The following SEMA3D variants were observed in gnomAD, a reference collection of about 807,000 sequenced individuals.
SEMA3D encodes the protein semaphorin-3D.
In SEMA3D, 84 loss-of-function variants were observed where a neutral mutation model predicts 100.1. The ratio of observed to expected loss-of-function variants is 0.84; its 90% CI spans 0.70 to 1.01. The LOEUF is 1.01. SEMA3D is among the 50% of genes least tolerant of loss of function. The pLI is 0.00. For missense variants in SEMA3D, 875 were observed against 934.1 expected (o/e 0.94, Z 0.82); for synonymous variants, 312 against 320.7 (o/e 0.97, Z 0.29).
Position 85,022,529 on chromosome 7 carries a change from C to G in SEMA3D, c.1276G>C (p.Val426Leu). The G allele has an allele frequency of 6.2e-7, 1 of 1,612,522 alleles. No individual in the cohort carries two copies. Among genetic ancestry groups the G allele is most frequent in the African/African-American group, 1.3e-5 (1 of 74,912 alleles). Residue 426 changes from valine (V) to leucine (L), a missense_variant, in exon 13 of 19, where the codon GTG becomes CTG. Transcript: ENST00000284136. ...ACTGGGTATACGGACTTATACATCACAGAGTGCCGCTTTATGAAACTGATG... is the reference window on the plus strand; with the variant it reads ...ACTGGGTATACGGACTTATACATCAGAGAGTGCCGCTTTATGAAACTGATG... ...DVISFIKRHS[V>L]MYKSVYPVAG... is the part of the protein sequence containing the mutation.
the SEMA3D span, among the ~76,000 whole-genome samples, chr7:85,221,425 C>T: frequency 1.1e-4 from 16 of 151,976 alleles, no homozygotes; most frequent in African/African-American, 3.6e-4. Context: ...CTAAAGTTCA[C>T]ATACTGACCA....
In SEMA3D at chr7:84,997,340, T is replaced by C. The variant is rs948830337; in HGVS notation, c.*2100A>G. 1 of 152,072 alleles carries C rather than the reference T, an allele frequency of 6.6e-6. No homozygotes were observed. Among genetic ancestry groups the C allele is most frequent in the African/African-American group, 2.4e-5 (1 of 41,446 alleles). The allele number at this position is 152,072 out of a possible 1,614,324, so 9.4% of individuals were successfully genotyped here. On this transcript the variant is annotated 3_prime_UTR_variant, in exon 19 of 19. Transcript: ENST00000284136. ...TTAAATTAAAAATGTTCCCACTTAA[T>C]TGCTTTGAGCTCGCTATGAGTTCCT...
At chr7:85,023,210 C>G (rs1430987055) in intron 12 of SEMA3D, among the ~76,000 whole-genome samples, 1 of 151,890 alleles carries the variant, frequency 6.6e-6, no homozygotes, top group Non-Finnish European at 1.5e-5. Flanking sequence ...ATACTTCTTT[C>G]TAAAATTGCC....
At chr7:85,075,616 A>C (rs993090132) in intron 5 of SEMA3D, among the ~76,000 whole-genome samples, 1 of 152,164 alleles carries the variant, frequency 6.6e-6, no homozygotes, top group Admixed American at 6.5e-5. Flanking sequence ...ATAAAAAAAA[A>C]GTATGTGTGA....
In SEMA3D at chr7:85,018,305, A is replaced by C; in HGVS notation, c.1504-12T>G. ...ATGATTGATGAGTGCTGAAAATAGA[A>C]GTTAAATGTCAATAAAGATAATCAT... On this transcript the variant is annotated splice_polypyrimidine_tract_variant and intron_variant, in intron 14 of 18. Transcript: ENST00000284136. 6.4e-7 allele frequency: 1 copy of C among 1,555,700 alleles called. No individual in the cohort carries two copies. Among genetic ancestry groups the C allele is most frequent in the Non-Finnish European group, 8.9e-7 (1 of 1,128,802 alleles).
At chr7:85,048,372 T>C (rs1791066670) in intron 9 of SEMA3D, among the ~76,000 whole-genome samples, 2 of 151,724 alleles carry the variant, frequency 1.3e-5, no homozygotes, top group Admixed American at 1.3e-4. Context: ...AAATAAATAA[T>C]AATGATAAGG....
At chr7:85,075,300 T>G (rs1188411736) in intron 5 of SEMA3D, among the ~76,000 whole-genome samples, 1 of 152,074 alleles carries the variant, frequency 6.6e-6, no homozygotes, top group African/African-American at 2.4e-5. Context: ...TAACTCCCTT[T>G]CCAGATTTTA....
At chr7:85,171,960 G>GGT (rs905905623) in intron 1 of SEMA3D, among the ~76,000 whole-genome samples, 2 of 149,488 alleles carry the variant, frequency 1.3e-5, no homozygotes, top group Non-Finnish European at 3.0e-5. Flanking sequence ...TGTGTGTGTG[G>GGT]GTGTGTGTGT....
chr7:85,211,666 A>C, the SEMA3D span, among the ~76,000 whole-genome samples: 1 of 152,028 alleles, frequency 6.6e-6, no homozygotes, highest in Non-Finnish European at 1.5e-5. Flanking sequence ...CTTGAACAAC[A>C]CAAGTTTGAA....
chr7:85,148,725 T>A (rs577806762), intron 2 of SEMA3D, among the ~76,000 whole-genome samples: 4 of 152,172 alleles, frequency 2.6e-5, no homozygotes, highest in Admixed American at 1.3e-4. Context: ...GTTAGAAACT[T>A]TGAAAAAAAT....
Position 85,108,551 on chromosome 7 carries a change from T to C in SEMA3D, c.152-10586A>G, listed in dbSNP as rs573566505. ...TAGAAGTCACAGAGTATGTCTGAGA[T>C]TCTGCATTTCAAACAAGATTTCAGA... On this transcript the variant is annotated intron_variant, in intron 3 of 18. Coordinates refer to ENST00000284136, the MANE Select transcript of SEMA3D (RefSeq NM_001384900.1). 2.0e-5 allele frequency among the ~76,000 whole-genome samples: 3 copies of C among 152,174 alleles called. No homozygotes were observed. The South Asian group carries it at 6.2e-4, about 32-fold the overall frequency.
chr7:85,208,080 G>A, the SEMA3D span, among the ~76,000 whole-genome samples: 7 of 151,724 alleles, frequency 4.6e-5, no homozygotes, highest in African/African-American at 1.5e-4. Context: ...CTTGAATGTG[G>A]TAATTAACAA....
rs1452278132 is a variant in SEMA3D at position 84,996,212 on chromosome 7, T to C, written c.*3228A>G. The C allele has an allele frequency of 6.6e-6, 1 of 151,960 alleles. No homozygotes were observed. The highest frequency in any genetic ancestry group is 2.4e-5 in the African/African-American group (1 of 41,430). 9.4% of individuals were successfully genotyped at this position (151,960 alleles called of 1,614,324 possible). ...ATGATATCAAGTTGTTCTTGGAAAT[T>C]CAATTATGATAATGAAAACAAGTGA... On this transcript the variant is annotated 3_prime_UTR_variant, in exon 19 of 19. Transcript: ENST00000284136.
chr7:85,103,731 G>C (rs1026104971), intron 3 of SEMA3D, among the ~76,000 whole-genome samples: 9 of 151,834 alleles, frequency 5.9e-5, no homozygotes, highest in Admixed American at 4.6e-4. Flanking sequence ...TTTTGTTCTA[G>C]CAACACAGTT....
chr7:85,081,761 A>C (rs938598423), intron 4 of SEMA3D, among the ~76,000 whole-genome samples, 182 bp from the exon 5 acceptor site: 1 of 152,204 alleles, frequency 6.6e-6, no homozygotes, highest in African/African-American at 2.4e-5. Context: ...TTCTAAAAGA[A>C]AAGTGTCTAG....
rs367779758 is a variant in SEMA3D at position 85,112,228 on chromosome 7, A to G, written c.151+9513T>C. On this transcript the variant is annotated intron_variant, in intron 3 of 18. Coordinates refer to ENST00000284136, the MANE Select transcript of SEMA3D (RefSeq NM_001384900.1). ...GAGACACATGCTTAATTTCACAGCT[A>G]AATAATTTGTAAATTACAGAAAAAG... 7.2e-5 allele frequency among the ~76,000 whole-genome samples: 11 copies of G among 152,324 alleles called. No homozygotes were observed. In the East Asian group the frequency reaches 1.4e-3, roughly 19 times the overall value.
intron 1 of SEMA3D, chr7:85,159,938 T>A (rs1050302369): frequency 2.0e-6 from 2 of 985,042 alleles, no homozygotes. Flanking sequence ...CAACTAGTGT[T>A]CAAGAAACAC....
intron 11 of SEMA3D, among the ~76,000 whole-genome samples, chr7:85,037,568 A>G (rs968414625): frequency 7.9e-5 from 12 of 152,118 alleles, no homozygotes; most frequent in Non-Finnish European, 1.5e-4. Context: ...ATATCCATAA[A>G]CATTAGTTGC....
At chr7:85,097,583 A>G (rs1788599827) in intron 4 of SEMA3D, among the ~76,000 whole-genome samples, 2 of 151,756 alleles carry the variant, frequency 1.3e-5, no homozygotes, top group Non-Finnish European at 2.9e-5. Flanking sequence ...CAAAGCTTTT[A>G]TTATATTTAT....
Sources: gnomAD v4.1 joint callset for allele counts (sites outside exome capture counted in the v4.1 genomes callset) on GRCh38, gnomAD v4.1.1 for gene constraint, MANE v1.5 for transcripts, NCBI Gene and HGNC (gene_info 2026-07-23, HGNC 2026-07-21) for gene names.